ZMYND11: variants seen among roughly 807,000 people sequenced by gnomAD.
ZMYND11 encodes the protein zinc finger MYND domain-containing protein 11.
Under a neutral mutation model 84.9 loss-of-function variants are expected in ZMYND11, and 9 were observed. That is an observed-to-expected ratio of 0.11 (90% CI 0.06 to 0.18). The LOEUF is 0.18. Among genes scored for constraint, ZMYND11 ranks in the 10% least tolerant of loss-of-function variants. The pLI, the probability that ZMYND11 is intolerant of heterozygous loss-of-function variation, is 1.00. For missense variants in ZMYND11, 409 were observed against 761.0 expected (o/e 0.54, Z 5.44); for synonymous variants, 250 against 244.1 (o/e 1.02, Z -0.23).
intron 3 of ZMYND11, among the ~76,000 whole-genome samples, chr10:216,241 A>C (rs1399864085): frequency 6.6e-6 from 1 of 152,216 alleles, no homozygotes; most frequent in South Asian, 2.1e-4. Flanking sequence ...GAAAATATTA[A>C]GTGAGGCTAA....
chr10:141,559 A>G (rs1322620629), intron 1 of ZMYND11, among the ~76,000 whole-genome samples: 1 of 152,254 alleles, frequency 6.6e-6, no homozygotes, highest in Non-Finnish European at 1.5e-5. Flanking sequence ...ATGATTTAAA[A>G]TTTATCCCAA....
chr10:251,865 A>C (rs1300603124), intron 14 of ZMYND11, among the ~76,000 whole-genome samples: 2 of 151,750 alleles, frequency 1.3e-5, no homozygotes, highest in African/African-American at 4.9e-5. Context: ...AATAAGATGA[A>C]GACTGAGACT....
chr10:136,816 C>T (rs1836204372), intron 1 of ZMYND11, among the ~76,000 whole-genome samples: 1 of 152,030 alleles, frequency 6.6e-6, no homozygotes, highest in Admixed American at 6.5e-5. Flanking sequence ...GTGTATGCAG[C>T]ACCCAGTGTC....
In ZMYND11 at chr10:239,537, T is replaced by TTGTG. The variant is rs148470545; in HGVS notation, c.697+15_697+16insGTGT. On this transcript the variant is annotated intron_variant, in intron 7 of 14. Transcript: ENST00000381604. ...GATTTTCTATGGAGGTTGAATATTT[T>TTGTG]TGTTTTTTTTGTATGCATTTTTAAA... is the stretch of plus-strand genomic sequence containing the variant. 7.2e-6 allele frequency: 11 copies of TTGTG among 1,538,134 alleles called. No homozygotes were observed. The highest frequency in any genetic ancestry group is 3.6e-5 in the Admixed American group (2 of 55,452).
chr10:236,749 T>C lies in ZMYND11; in HGVS notation c.439-89T>C, dbSNP rs1950049383. On this transcript the variant is annotated intron_variant, in intron 4 of 14. Coordinates refer to ENST00000381604, the MANE Select transcript of ZMYND11 (RefSeq NM_001370100.5). ...CTTTTAGTAAACTCTTTGCATACTATCTAAGTGTTTCATATATGTCTTTTA... is the reference window on the plus strand; with the variant it reads ...CTTTTAGTAAACTCTTTGCATACTACCTAAGTGTTTCATATATGTCTTTTA... The C allele has an allele frequency of 4.5e-6, 5 of 1,106,392 alleles. No individual in the cohort carries two copies. In the East Asian group the frequency reaches 1.3e-4, roughly 29 times the overall value. 68.5% of individuals were successfully genotyped at this position (1,106,392 alleles called of 1,614,324 possible). A position where few individuals can be genotyped will look rare whatever the true frequency, so the allele number is the denominator to read the frequency against.
intron 14 of ZMYND11, among the ~76,000 whole-genome samples, chr10:250,691 G>C (rs1329310471): frequency 2.0e-5 from 3 of 151,980 alleles, no homozygotes; most frequent in African/African-American, 7.2e-5. Flanking sequence ...TAAAAACCTA[G>C]TTGGCAGAGC....
intron 1 of ZMYND11, among the ~76,000 whole-genome samples, chr10:140,401 TAG>T (rs1189915910): frequency 1.3e-5 from 2 of 152,236 alleles, no homozygotes; most frequent in Non-Finnish European, 2.9e-5. Flanking sequence ...AGAAAATCCA[TAG>T]AGTTATTTAG....
chr10:241,853 C>A (rs1037462752), intron 9 of ZMYND11, among the ~76,000 whole-genome samples, 168 bp from the exon 10 acceptor site: 1 of 151,908 alleles, frequency 6.6e-6, no homozygotes, highest in Admixed American at 6.6e-5. Flanking sequence ...CACTCTGATG[C>A]AAATATAAAA....
At chr10:250,078 C>T (rs1400871770) in intron 14 of ZMYND11, among the ~76,000 whole-genome samples, 2 of 152,192 alleles carry the variant, frequency 1.3e-5, no homozygotes, top group Non-Finnish European at 2.9e-5. Context: ...TTCCGAATAA[C>T]TTTTCCATGT....
chr10:240,834 T>C, intron 8 of ZMYND11, 59 bp from the exon 9 acceptor site: 3 of 1,190,278 alleles, frequency 2.5e-6, no homozygotes, highest in Non-Finnish European at 3.7e-6. Flanking sequence ...ATACATTTTA[T>C]ATAGTTTAAT....
chr10:156,364 G>A (rs1287879683), intron 1 of ZMYND11, among the ~76,000 whole-genome samples: 1 of 152,136 alleles, frequency 6.6e-6, no homozygotes, highest in East Asian at 1.9e-4. Context: ...TCAAATAAAC[G>A]TTACAGTTGC....
intron 2 of ZMYND11, among the ~76,000 whole-genome samples, chr10:180,540 C>G (rs185514409): frequency 6.6e-6 from 1 of 152,314 alleles, no homozygotes; most frequent in East Asian, 1.9e-4. Context: ...GCTGGGATTA[C>G]AGGCACCCGC....
chr10:197,914 T>C (rs2131028886), intron 2 of ZMYND11: 1 of 593,172 alleles, frequency 1.7e-6, no homozygotes, highest in East Asian at 3.0e-5. Flanking sequence ...ATTTCAGATG[T>C]GAAACAACTA....
chr10:138,152 C>T (rs1836593812), intron 1 of ZMYND11, among the ~76,000 whole-genome samples: 1 of 143,120 alleles, frequency 7.0e-6, no homozygotes, highest in East Asian at 2.1e-4. Flanking sequence ...CTCTGTCGCT[C>T]AGGCTGGAGT....
intron 1 of ZMYND11, among the ~76,000 whole-genome samples, chr10:152,631 G>C (rs781993974): frequency 2.6e-5 from 4 of 152,112 alleles, no homozygotes; most frequent in Non-Finnish European, 4.4e-5. Flanking sequence ...TAACACCCCA[G>C]TGTCAACATT....
chr10:201,212 T>A (rs1476398803), intron 2 of ZMYND11, among the ~76,000 whole-genome samples: 1 of 152,142 alleles, frequency 6.6e-6, no homozygotes, highest in Non-Finnish European at 1.5e-5. Flanking sequence ...TTATCCAGAT[T>A]ACCTAGAATA....
intron 1 of ZMYND11, among the ~76,000 whole-genome samples, chr10:174,755 A>G (rs1380153163): frequency 4.3e-5 from 4 of 93,306 alleles, no homozygotes; most frequent in Non-Finnish European, 9.0e-5. Context: ...TCAAAACCCA[A>G]GGGCACTACA....
intron 2 of ZMYND11, among the ~76,000 whole-genome samples, chr10:188,337 G>A (rs990072764): frequency 4.6e-5 from 7 of 151,654 alleles, no homozygotes. Flanking sequence ...CTGTAATCCC[G>A]GCACTTTGGG....
At chr10:196,473 T>C (rs1328567599) in intron 2 of ZMYND11, among the ~76,000 whole-genome samples, 3 of 152,196 alleles carry the variant, frequency 2.0e-5, no homozygotes, top group Non-Finnish European at 2.9e-5. Context: ...GTTTTTAAGA[T>C]GTATATAATT....
Sources: allele counts gnomAD v4.1 joint callset (sites outside exome capture counted in the v4.1 genomes callset), GRCh38; gene constraint gnomAD v4.1.1; transcripts MANE v1.5; gene names NCBI Gene and HGNC (gene_info 2026-07-23, HGNC 2026-07-21).